TMTC4: variants seen among roughly 807,000 people sequenced by gnomAD.
TMTC4 encodes transmembrane O-mannosyltransferase targeting cadherins 4.
A neutral mutation model predicts 86.0 loss-of-function variants in TMTC4; 65 were observed. The observed-to-expected ratio is 0.76, with a 90% CI of 0.62 to 0.93. TMTC4 has a LOEUF of 0.93. Among genes scored for constraint, TMTC4 ranks in the 40% least tolerant of loss-of-function variants. TMTC4 has a pLI of 0.00. For synonymous variants in TMTC4, 379 were observed against 382.5 expected, an observed-to-expected ratio of 0.99 and a Z score of 0.11; for missense variants, 866 against 948.1, an observed-to-expected ratio of 0.91 and a Z score of 1.14.
chr13:100,612,510 C>A lies in TMTC4; in HGVS notation c.1952G>T (p.Gly651Val). ...AACTGCTTCAGCTTGGGCTAAATTACCTGGGAGTGAAAAATGGAAAAATAA... is the reference window on the plus strand; with the variant it reads ...AACTGCTTCAGCTTGGGCTAAATTAACTGGGAGTGAAAAATGGAAAAATAA... ...NNMIILLDNTGNLAQAEAVGR... is the reference protein window; with the variant it reads ...NNMIILLDNTVNLAQAEAVGR... The change falls in exon 17 of 19, where the codon GGT becomes GTT. Residue 651 changes from glycine (G) to valine (V), a missense_variant and splice_region_variant. Physicochemically the swap from Gly to Val is moderately radical, Grantham distance 109. Coordinates refer to ENST00000342624, the MANE Select transcript of TMTC4 (RefSeq NM_032813.5). 2.5e-6 allele frequency: 4 copies of A among 1,606,412 alleles called. No individual in the cohort carries two copies. The highest frequency in any genetic ancestry group is 3.3e-4 in the Middle Eastern group (2 of 6,046).
chr13:100,642,122 C>T (rs1883092784), intron 7 of TMTC4, 89 bp downstream of exon 7: 3 of 1,397,414 alleles, frequency 2.1e-6, no homozygotes, highest in East Asian at 2.3e-5. Flanking sequence ...GTGGAGAACG[C>T]CACAGAGGCA....
chr13:100,617,637 A>G (rs1878723141), intron 15 of TMTC4, among the ~76,000 whole-genome samples: 1 of 152,138 alleles, frequency 6.6e-6, no homozygotes, highest in Non-Finnish European at 1.5e-5. Context: ...TGAAGACCAC[A>G]TGGCTGTAGA....
chr13:100,623,639 G>GTT (rs1566577567), intron 15 of TMTC4, among the ~76,000 whole-genome samples: 2 of 101,848 alleles, frequency 2.0e-5, no homozygotes, highest in Non-Finnish European at 2.1e-5. Context: ...CTACTAGTTG[G>GTT]GTTTTGTTTT....
At chr13:100,630,701 C>T (rs553349995) in intron 12 of TMTC4, among the ~76,000 whole-genome samples, 37 of 152,290 alleles carry the variant, frequency 2.4e-4, no homozygotes, top group African/African-American at 6.7e-4. Context: ...CCGCCTCTTC[C>T]GCCCCAAGCT....
At chr13:100,666,124 C>T in intron 3 of TMTC4, 1 of 449,216 alleles carries the variant, frequency 2.2e-6, no homozygotes, top group South Asian at 1.6e-5. Flanking sequence ...AAAGAAAGGT[C>T]AATTCTTCCT....
chr13:100,633,312 GAAAAAAAAAAAAAAAAAA>G (rs10523073), intron 12 of TMTC4, among the ~76,000 whole-genome samples: 6 of 79,572 alleles, frequency 7.5e-5, no homozygotes, highest in African/African-American at 1.9e-4. Context: ...CCATCTCAGG[GAAAAAAAAAAAAAAAAAA>G]AAAAAAAAAA....
upstream of TMTC4, chr13:100,674,924 GC>G: frequency 1.0e-6 from 1 of 984,502 alleles, no homozygotes; most frequent in Non-Finnish European, 1.2e-6. Context: ...GTCTCGGCCC[GC>G]CCCCTCCGCC....
In TMTC4 at chr13:100,630,839, T is replaced by G. The variant is rs1881261702; in HGVS notation, c.1506+3966A>C. 2.0e-5 allele frequency among the ~76,000 whole-genome samples: 3 copies of G among 152,080 alleles called. No homozygotes were observed. In the South Asian group the frequency reaches 6.2e-4, roughly 32 times the overall value. On this transcript the variant is annotated intron_variant, in intron 12 of 18. Transcript: ENST00000342624. ...ACTCAGAATGCCAGAGACCAGAAGA[T>G]CAAAGGAGAAGGACGTGGGACTCTG...
intron 4 of TMTC4, among the ~76,000 whole-genome samples, chr13:100,663,752 G>A (rs1333070920): frequency 6.6e-6 from 1 of 152,190 alleles, no homozygotes; most frequent in African/African-American, 2.4e-5. Flanking sequence ...TGCACCCGAG[G>A]AGCAGGTATG....
At chr13:100,632,820 C>T (rs758348542) in intron 12 of TMTC4, among the ~76,000 whole-genome samples, 3 of 152,116 alleles carry the variant, frequency 2.0e-5, no homozygotes, top group African/African-American at 7.2e-5. Flanking sequence ...GAGAGCTCCC[C>T]GTCTCCACCC....
intron 15 of TMTC4, among the ~76,000 whole-genome samples, chr13:100,619,105 T>C (rs1389133720): frequency 2.0e-5 from 3 of 148,810 alleles, no homozygotes; most frequent in African/African-American, 7.5e-5. Context: ...ACGGGGCGGC[T>C]GGCCGGACGG....
chr13:100,668,021 A>C (rs965072741), intron 3 of TMTC4, among the ~76,000 whole-genome samples: 1 of 152,208 alleles, frequency 6.6e-6, no homozygotes, highest in Non-Finnish European at 1.5e-5. Flanking sequence ...AGCAACACCG[A>C]ATCTCCAAAC....
At position 100,604,501 on chromosome 13, in the gene TMTC4, C is replaced by T. The variant is rs944272305; in HGVS notation, c.*493G>A. 2.6e-5 allele frequency: 4 copies of T among 152,064 alleles called. No homozygotes were observed. The highest frequency in any genetic ancestry group is 6.6e-5 in the Admixed American group (1 of 15,262). 9.4% of individuals were successfully genotyped at this position (152,064 alleles called of 1,614,324 possible). A position where few individuals can be genotyped will look rare whatever the true frequency, so the allele number is the denominator to read the frequency against. ...AATAAATATTTCCTTACAAAGTTCA[C>T]AGTATGTTGTTTTAAAAAAAAGAGA... On this transcript the variant is annotated 3_prime_UTR_variant, in exon 19 of 19. Coordinates refer to ENST00000342624, the MANE Select transcript of TMTC4 (RefSeq NM_032813.5).
chr13:100,664,059 C>T (rs1298168), intron 4 of TMTC4, among the ~76,000 whole-genome samples, 162 bp downstream of exon 4: 107,917 of 151,904 alleles, frequency 0.71, 39,317 homozygotes, highest in East Asian at 0.96. Flanking sequence ...GCCACGCTGG[C>T]CTTCTCTGCA....
At chr13:100,636,244 C>G (rs1220082691) in intron 10 of TMTC4, among the ~76,000 whole-genome samples, 1 of 152,198 alleles carries the variant, frequency 6.6e-6, no homozygotes, top group Non-Finnish European at 1.5e-5. Context: ...CCGTAAATTA[C>G]TCTTTACCAC....
chr13:100,609,194 G>C (rs934391911), intron 17 of TMTC4, among the ~76,000 whole-genome samples: 1 of 152,052 alleles, frequency 6.6e-6, no homozygotes, highest in African/African-American at 2.4e-5. Context: ...CTAACATACC[G>C]GCCAATCTCT....
chr13:100,641,778 C>A (rs1442995603), intron 7 of TMTC4, among the ~76,000 whole-genome samples: 2 of 152,154 alleles, frequency 1.3e-5, no homozygotes, highest in Non-Finnish European at 2.9e-5. Context: ...TGAGCCATGG[C>A]GCCCGGCCCT....
At chr13:100,647,426 C>T (rs1883903957) in intron 6 of TMTC4, among the ~76,000 whole-genome samples, 1 of 152,162 alleles carries the variant, frequency 6.6e-6, no homozygotes, top group Admixed American at 6.5e-5. Context: ...CCACCCCATC[C>T]CATCCCACCA....
intron 15 of TMTC4, 50 bp downstream of exon 15, chr13:100,625,485 G>T: frequency 6.2e-7 from 1 of 1,605,692 alleles, no homozygotes; most frequent in South Asian, 1.1e-5. Flanking sequence ...TTATAAATAA[G>T]AAAAATAACC....
Sources: gnomAD v4.1 joint callset for allele counts (sites outside exome capture counted in the v4.1 genomes callset) on GRCh38, gnomAD v4.1.1 for gene constraint, MANE v1.5 for transcripts, NCBI Gene and HGNC (gene_info 2026-07-23, HGNC 2026-07-21) for gene names.